AEBP2: variants seen among roughly 807,000 people sequenced by gnomAD.
AEBP2 encodes the protein AE binding protein 2.
A neutral mutation model predicts 50.8 loss-of-function variants in AEBP2; 10 were observed. The observed-to-expected ratio is 0.20, with a 90% CI of 0.12 to 0.33. AEBP2 has a LOEUF of 0.33. Ranked by LOEUF, AEBP2 falls within the 10% of genes least tolerant of loss-of-function variation. The pLI is 1.00. For missense variants in AEBP2, 570 were observed against 688.0 expected (o/e 0.83, Z 1.92); for synonymous variants, 296 against 261.3 (o/e 1.13, Z -1.28).
rs185131431 is a variant in AEBP2, at chr12:19,409,889, A to G, written c.-17+5673A>G. 1.5e-3 allele frequency among the ~76,000 whole-genome samples: 234 copies of G among 152,310 alleles called. 3 individuals carry two copies. The highest frequency in any genetic ancestry group is 0.015 in the Admixed American group (227 of 15,278). On this transcript the variant is annotated intron_variant, in intron 1 of 3. Coordinates refer to the AEBP2 transcript ENST00000538425. Reference sequence around the variant, plus strand: ...CTGCATTAAAACTTTCTTCTGAGCAATAATTACATTGCTTCTCCTTAAAAT... The same window carrying G: ...CTGCATTAAAACTTTCTTCTGAGCAGTAATTACATTGCTTCTCCTTAAAAT...
At chr12:19,492,604 A>T (rs11044609) in intron 3 of AEBP2, among the ~76,000 whole-genome samples, 3,269 of 152,020 alleles carry the variant, frequency 0.022, 42 homozygotes, top group East Asian at 0.043. Context: ...AATAAAAAAA[A>T]TTTATTTATT....
At chr12:19,410,825 C>G (rs553834106) in intron 1 of AEBP2, among the ~76,000 whole-genome samples, 6 of 152,120 alleles carry the variant, frequency 3.9e-5, no homozygotes, top group Admixed American at 2.0e-4. Flanking sequence ...TTTGTAAGAC[C>G]GTTTAATGCT....
chr12:19,408,026 G>A (rs950132685), intron 1 of AEBP2, among the ~76,000 whole-genome samples: 4 of 151,136 alleles, frequency 2.6e-5, no homozygotes, highest in Non-Finnish European at 5.9e-5. Flanking sequence ...ACTCCAGCCT[G>A]GGCAACAAGA....
At chr12:19,474,993 A>AT (rs1948626234) in intron 3 of AEBP2, among the ~76,000 whole-genome samples, 1 of 152,132 alleles carries the variant, frequency 6.6e-6, no homozygotes. Flanking sequence ...GGGTTTCACC[A>AT]TGTTGGCCAG....
chr12:19,422,498 A>C (rs367810890), intron 1 of AEBP2, among the ~76,000 whole-genome samples: 10 of 48,312 alleles, frequency 2.1e-4, no homozygotes, highest in African/African-American at 1.2e-3. Flanking sequence ...TGCTAGAAAT[A>C]CATTTTTTTT....
At chr12:19,459,749 T>C (rs772991020) in intron 1 of AEBP2, among the ~76,000 whole-genome samples, 9 of 152,168 alleles carry the variant, frequency 5.9e-5, no homozygotes, top group South Asian at 2.1e-4. Context: ...GGTAAATATA[T>C]ATTTATTGCA....
chr12:19,515,674 T>G (rs1198708092), intron 7 of AEBP2, among the ~76,000 whole-genome samples: 1 of 152,236 alleles, frequency 6.6e-6, no homozygotes, highest in Non-Finnish European at 1.5e-5. Context: ...AAGGGTATAT[T>G]CATTCCACGA....
At position 19,439,682 on chromosome 12, in the gene AEBP2, G is replaced by GGAA. The variant is rs1947906175; in HGVS notation, c.-16_-15insAGA. On this transcript the variant is annotated 5_prime_UTR_variant, in exon 1 of 8. Transcript: ENST00000266508. ...GCGGCGGTGGGGAGGAGGAGGAGGAGGAGGAGCAGGCGCCGCCATGGCCGC... is the reference window on the plus strand; with the variant it reads ...GCGGCGGTGGGGAGGAGGAGGAGGAGGAAGAGGAGCAGGCGCCGCCATGGCCGC... 6.6e-7 allele frequency: 1 copy of GGAA among 1,516,640 alleles called. No individual in the cohort carries two copies. Among genetic ancestry groups the GGAA allele is most frequent in the Admixed American group, 2.0e-5 (1 of 49,936 alleles). 93.9% of individuals were successfully genotyped at this position (1,516,640 alleles called of 1,614,324 possible). A position where few individuals can be genotyped will look rare whatever the true frequency, so the allele number is the denominator to read the frequency against.
At chr12:19,409,755 T>C (rs1253739119) in intron 1 of AEBP2, among the ~76,000 whole-genome samples, 1 of 152,222 alleles carries the variant, frequency 6.6e-6, no homozygotes, top group African/African-American at 2.4e-5. Flanking sequence ...AAGGCTTTTT[T>C]CATTATAATG....
intron 5 of AEBP2, chr12:19,509,229 C>T (rs771272216): frequency 4.6e-5 from 16 of 349,338 alleles, no homozygotes; most frequent in African/African-American, 6.3e-5. Flanking sequence ...GTGTTGAAGG[C>T]ACAAGCACAG....
intron 1 of AEBP2, among the ~76,000 whole-genome samples, chr12:19,458,411 G>C (rs533428802): frequency 6.6e-6 from 1 of 152,174 alleles, no homozygotes; most frequent in South Asian, 2.1e-4. Flanking sequence ...GATGTCTTGA[G>C]TGTTCCAGGA....
rs950277159 is a variant in AEBP2 at position 19,518,015 on chromosome 12, T to C, written c.1482-72T>C. On this transcript the variant is annotated intron_variant, in intron 7 of 7. Coordinates refer to ENST00000266508, the MANE Select transcript of AEBP2 (RefSeq NM_153207.5). Reference sequence around the variant, plus strand: ...CATTGCCTGTATCTTATTAATATTTTTAATGTCTCTTGAAGCACTCAAATG... The same window carrying C: ...CATTGCCTGTATCTTATTAATATTTCTAATGTCTCTTGAAGCACTCAAATG... 6 of 1,365,922 alleles carry C rather than the reference T, an allele frequency of 4.4e-6. No homozygotes were observed. The Admixed American group carries it at 1.6e-4, about 35-fold the overall frequency. The allele number at this position is 1,365,922 out of a possible 1,614,324, so 84.6% of individuals were successfully genotyped here. A position where few individuals can be genotyped will look rare whatever the true frequency, so the allele number is the denominator to read the frequency against.
intron 1 of AEBP2, among the ~76,000 whole-genome samples, chr12:19,407,412 T>C (rs2095736908): frequency 6.6e-6 from 1 of 152,118 alleles, no homozygotes; most frequent in Non-Finnish European, 1.5e-5. Flanking sequence ...CAAGCAATTC[T>C]CCTGCCTCAG....
chr12:19,474,157 AT>A (rs1173815359), intron 3 of AEBP2, among the ~76,000 whole-genome samples: 1 of 152,196 alleles, frequency 6.6e-6, no homozygotes, highest in Non-Finnish European at 1.5e-5. Context: ...AATTAGATGT[AT>A]TCTGGGAAAT....
chr12:19,416,829 G>A (rs1042724122), intron 1 of AEBP2, among the ~76,000 whole-genome samples: 1 of 149,880 alleles, frequency 6.7e-6, no homozygotes, highest in African/African-American at 2.5e-5. Context: ...TGGAATTACA[G>A]GTGTCAGCCA....
Position 19,512,427 on chromosome 12 carries a change from G to A in AEBP2, c.1329G>A (p.Gly443=), listed in dbSNP as rs1316299074. 4 of 1,579,386 alleles carry A rather than the reference G, an allele frequency of 2.5e-6. No individual in the cohort carries two copies. Among genetic ancestry groups the A allele is most frequent in the East Asian group, 2.3e-5 (1 of 44,134 alleles). The change falls in exon 6 of 8, where the codon GGG becomes GGA. Residue 443 remains glycine, a synonymous_variant. Coordinates refer to ENST00000266508, the MANE Select transcript of AEBP2 (RefSeq NM_153207.5). ...TVIAKRKEDS[G]KIKLLLHWMP... ...TAGCTAAGAGAAAAGAAGATTCTGG[G>A]AAGATCAAACTTTTGCTTCATTGGA...
chr12:19,439,831 G>GGAGGAA lies in AEBP2; in HGVS notation c.138_143dup (p.Glu47_Glu48dup), dbSNP rs1229705667. 2.0e-6 allele frequency: 3 copies of GGAGGAA among 1,503,932 alleles called. No homozygotes were observed. In the South Asian group the frequency reaches 3.7e-5, roughly 18 times the overall value. 93.2% of individuals were successfully genotyped at this position (1,503,932 alleles called of 1,614,324 possible). On this transcript the variant is annotated inframe_insertion, in exon 1 of 8. Coordinates refer to ENST00000266508, the MANE Select transcript of AEBP2 (RefSeq NM_153207.5). ...CCGAGGAGGAGGAGGAAGAGGAGGA[G>GGAGGAA]GAGGAAGAGGAGGCGGAGGCCGAGG...
chr12:19,439,930 C>T lies in AEBP2; in HGVS notation c.231C>T (p.Gly77=), dbSNP rs1467640239. 1 of 1,507,282 alleles carries T rather than the reference C, an allele frequency of 6.6e-7. No individual in the cohort carries two copies. Among genetic ancestry groups the T allele is most frequent in the South Asian group, 1.2e-5 (1 of 82,026 alleles). The allele number at this position is 1,507,282 out of a possible 1,614,324, so 93.4% of individuals were successfully genotyped here. Residue 77 remains glycine (G), a synonymous_variant, in exon 1 of 8, where the codon GGC becomes GGT. Transcript: ENST00000266508. ...GCGGCGGCGGAGGAGTGGGGGGCGG[C>T]GAGGCAGAGACGATGTCGGAGCCGA... The part of the protein sequence containing the change: ...GGGGGGGVGG[G]EAETMSEPSP...
At chr12:19,499,614 T>TA (rs374307323) in intron 4 of AEBP2, among the ~76,000 whole-genome samples, 9,482 of 112,002 alleles carry the variant, frequency 0.085, 889 homozygotes, top group East Asian at 0.22. Flanking sequence ...ACTCTGTCTC[T>TA]TAAAAAAAAA....
Sources: allele counts gnomAD v4.1 joint callset (sites outside exome capture counted in the v4.1 genomes callset), GRCh38; gene constraint gnomAD v4.1.1; transcripts MANE v1.5; gene names NCBI Gene and HGNC (gene_info 2026-07-23, HGNC 2026-07-21).